The following IQGAP2 variants were observed in gnomAD, a reference collection of about 807,000 sequenced individuals.
The protein encoded by IQGAP2 is IQ motif containing GTPase activating protein 2, also known as ras GTPase-activating-like protein IQGAP2.
In IQGAP2, 173 loss-of-function variants were observed where a neutral mutation model predicts 201.3. The observed-to-expected ratio is 0.86, with a 90% CI of 0.76 to 0.98. The LOEUF is 0.98. Among genes scored for constraint, IQGAP2 ranks in the 50% least tolerant of loss-of-function variants. The pLI is 0.00. For missense variants in IQGAP2, 1,687 were observed against 1,864.8 expected, an observed-to-expected ratio of 0.90 and a Z score of 1.76; for synonymous variants, 675 against 673.9, an observed-to-expected ratio of 1.00 and a Z score of -0.03.
At chr5:76,527,584 T>A (rs1195062946) in intron 2 of IQGAP2, among the ~76,000 whole-genome samples, 1 of 152,208 alleles carries the variant, frequency 6.6e-6, no homozygotes, top group African/African-American at 2.4e-5. Context: ...TTTCAACATA[T>A]AATAATTTAT....
At chr5:76,628,956 G>A (rs1020025044) in intron 14 of IQGAP2, among the ~76,000 whole-genome samples, 2 of 152,244 alleles carry the variant, frequency 1.3e-5, no homozygotes, top group South Asian at 2.1e-4. Flanking sequence ...AGCCTAAGAT[G>A]GTTATGATTT....
At chr5:76,549,016 A>G (rs1395225166) in intron 2 of IQGAP2, among the ~76,000 whole-genome samples, 1 of 152,092 alleles carries the variant, frequency 6.6e-6, no homozygotes, top group East Asian at 1.9e-4. Context: ...GGAAGTCTGT[A>G]TGGCTAAACA....
rs775663540 is a variant in IQGAP2 at position 76,674,660 on chromosome 5, C to T, written c.3478C>T (p.His1160Tyr). Reference sequence around the variant, plus strand: ...CAAGCTGTTTGAAGGAGAAAATGAGCATCTCTCATCTATGAACAATTATTT... The same window carrying T: ...CAAGCTGTTTGAAGGAGAAAATGAGTATCTCTCATCTATGAACAATTATTT... The part of the protein sequence containing the change: ...SNKLFEGENE[H>Y]LSSMNNYLSE... Residue 1160 changes from histidine (H) to tyrosine (Y), a missense_variant, in exon 27 of 36, where the codon CAT (histidine) becomes TAT (tyrosine). Transcript: ENST00000274364. The T allele has an allele frequency of 5.6e-6, 9 of 1,614,080 alleles. No homozygotes were observed. In the East Asian group the frequency reaches 1.8e-4, roughly 32 times the overall value.
intron 1 of IQGAP2, among the ~76,000 whole-genome samples, chr5:76,421,451 C>CA (rs970085869): frequency 1.1e-4 from 17 of 151,416 alleles, no homozygotes; most frequent in African/African-American, 2.9e-4. Flanking sequence ...CTATCCTCTG[C>CA]AAAAAAAATA....
chr5:76,564,478 G>C (rs1277695215), intron 3 of IQGAP2, among the ~76,000 whole-genome samples: 1 of 152,194 alleles, frequency 6.6e-6, no homozygotes, highest in Non-Finnish European at 1.5e-5. Flanking sequence ...TCATGGAAGT[G>C]AGCCTCAGAG....
intron 2 of IQGAP2, among the ~76,000 whole-genome samples, chr5:76,496,758 TTTCTTTCTTTCTTTCTTTC>T (rs1756979210): frequency 1.4e-5 from 1 of 69,984 alleles, no homozygotes; most frequent in Non-Finnish European, 2.8e-5. Context: ...TCTTTCTTTC[TTTCTTTCTTTCTTTCTTTC>T]TTTCTTTCTT....
At chr5:76,478,218 G>A (rs1269849477) in intron 2 of IQGAP2, among the ~76,000 whole-genome samples, 3 of 152,026 alleles carry the variant, frequency 2.0e-5, no homozygotes, top group Non-Finnish European at 4.4e-5. Context: ...TGGCCAACAT[G>A]GCAAAACCCC....
At chr5:76,636,130 C>A (rs1258600346) in intron 15 of IQGAP2, among the ~76,000 whole-genome samples, 1 of 152,162 alleles carries the variant, frequency 6.6e-6, no homozygotes, top group Non-Finnish European at 1.5e-5. Context: ...ACATGCATTT[C>A]AATATTCTGT....
intron 2 of IQGAP2, among the ~76,000 whole-genome samples, chr5:76,495,417 T>C (rs1756833648): frequency 6.6e-6 from 1 of 152,188 alleles, no homozygotes; most frequent in Non-Finnish European, 1.5e-5. Flanking sequence ...ATTGCTCAGG[T>C]GACTCAGTTC....
Position 76,513,847 on chromosome 5 carries a change from A to ATAGTTATAGTTATATGGG in IQGAP2, c.147-48548_147-48547insAGTTATAGTTATATGGGT, listed in dbSNP as rs531358962. Among the ~76,000 whole-genome samples, 366 of 152,022 alleles carry ATAGTTATAGTTATATGGG rather than the reference A, an allele frequency of 2.4e-3. 3 individuals carry two copies. Among genetic ancestry groups the ATAGTTATAGTTATATGGG allele is most frequent in the African/African-American group, 8.5e-3 (350 of 41,398 alleles). On this transcript the variant is annotated intron_variant, in intron 2 of 35. Transcript: ENST00000274364. The stretch of plus-strand genomic sequence containing the variant: ...CAGTGAGCCATCACATGAACTATGG[A>ATAGTTATAGTTATATGGG]TTATAGTTATTAATAACATATGGAT...
At chr5:76,698,370 A>G (rs1057212306) in intron 33 of IQGAP2, among the ~76,000 whole-genome samples, 4 of 152,214 alleles carry the variant, frequency 2.6e-5, no homozygotes, top group Admixed American at 2.0e-4. Flanking sequence ...AAAGTGGCTT[A>G]CCTGTTGTAT....
intron 2 of IQGAP2, among the ~76,000 whole-genome samples, chr5:76,472,198 C>T (rs1411322870): frequency 1.3e-5 from 2 of 152,234 alleles, no homozygotes; most frequent in African/African-American, 4.8e-5. Flanking sequence ...GAGATCAGGG[C>T]CTGGCACATC....
chr5:76,416,531 C>CT lies in IQGAP2; in HGVS notation c.46+12952dup, dbSNP rs1200311978. Among the ~76,000 whole-genome samples, 183 of 144,018 alleles carry CT rather than the reference C, an allele frequency of 1.3e-3. 3 individuals carry two copies. In the South Asian group the frequency reaches 0.029, roughly 23 times the overall value. 94.5% of individuals were successfully genotyped at this position (144,018 alleles called of 152,430 possible). A position where few individuals can be genotyped will look rare whatever the true frequency, so the allele number is the denominator to read the frequency against. ...TGATATTGGGTATAAGTTCTTTGAG[C>CT]TTTTTTTTTTTTGAGACGGAGTCTC... On this transcript the variant is annotated intron_variant, in intron 1 of 35. Coordinates refer to ENST00000274364, the MANE Select transcript of IQGAP2 (RefSeq NM_006633.5).
intron 2 of IQGAP2, among the ~76,000 whole-genome samples, chr5:76,475,313 A>G (rs1580272459): frequency 6.6e-6 from 1 of 152,192 alleles, no homozygotes; most frequent in Admixed American, 6.5e-5. Context: ...TGCAGAGCCA[A>G]TAAGCATTTT....
intron 5 of IQGAP2, among the ~76,000 whole-genome samples, chr5:76,575,986 A>G (rs939892284): frequency 9.8e-5 from 15 of 152,332 alleles, no homozygotes; most frequent in African/African-American, 3.4e-4. Context: ...AATCTAACTC[A>G]AAATAGAAAA....
At chr5:76,444,271 A>G (rs1056917934) in intron 1 of IQGAP2, among the ~76,000 whole-genome samples, 1 of 152,064 alleles carries the variant, frequency 6.6e-6, no homozygotes, top group Admixed American at 6.6e-5. Context: ...AGATGCTTAC[A>G]TCAGTAAATA....
At chr5:76,587,492 G>A (rs536103015) in intron 5 of IQGAP2, among the ~76,000 whole-genome samples, 6 of 152,188 alleles carry the variant, frequency 3.9e-5, no homozygotes, top group South Asian at 2.1e-4. Context: ...TAATATATAC[G>A]TTTATAAAAT....
intron 2 of IQGAP2, among the ~76,000 whole-genome samples, chr5:76,490,740 C>T (rs1410247339): frequency 6.6e-6 from 1 of 151,938 alleles, no homozygotes; most frequent in Non-Finnish European, 1.5e-5. Flanking sequence ...CAGCTGGATA[C>T]CACTTTATTT....
At chr5:76,508,460 T>C (rs1757743041) in intron 2 of IQGAP2, among the ~76,000 whole-genome samples, 1 of 152,228 alleles carries the variant, frequency 6.6e-6, no homozygotes, top group African/African-American at 2.4e-5. Context: ...GATATCACTA[T>C]ATACGTCTTA....
Sources: allele counts gnomAD v4.1 joint callset (sites outside exome capture counted in the v4.1 genomes callset), GRCh38; gene constraint gnomAD v4.1.1; transcripts MANE v1.5; gene names NCBI Gene and HGNC (gene_info 2026-07-23, HGNC 2026-07-21).